NR2F1-AS1: variants seen among roughly 807,000 people sequenced by gnomAD.
NR2F1-AS1 encodes NR2F1 antisense RNA 1.
intron 4 of NR2F1-AS1, among the ~76,000 whole-genome samples, chr5:93,494,142 C>T (rs940442085): frequency 6.6e-6 from 1 of 152,078 alleles, no homozygotes; most frequent in African/African-American, 2.4e-5. Flanking sequence ...AGAACCATTA[C>T]AACTCAACAA....
chr5:93,474,577 G>A (rs143793220), intron 4 of NR2F1-AS1, among the ~76,000 whole-genome samples: 357 of 152,224 alleles, frequency 2.3e-3, no homozygotes, highest in Non-Finnish European at 3.9e-3. Flanking sequence ...GCCTGGTGAG[G>A]GCCTGCTTCC....
intron 4 of NR2F1-AS1, among the ~76,000 whole-genome samples, chr5:93,475,298 C>T (rs946269482): frequency 6.6e-6 from 1 of 151,880 alleles, no homozygotes; most frequent in African/African-American, 2.4e-5. Flanking sequence ...GAACACAGGC[C>T]GTGTCTTTTA....
At chr5:93,552,463 A>C (rs74876734) in intron 4 of NR2F1-AS1, among the ~76,000 whole-genome samples, 2,573 of 152,266 alleles carry the variant, frequency 0.017, 77 homozygotes, top group African/African-American at 0.059. Flanking sequence ...TGGTAAGGGA[A>C]AAGGCTGCCA....
chr5:93,581,733 TCCCCCTCTC>T (rs1561519306), upstream of NR2F1-AS1, among the ~76,000 whole-genome samples: 2 of 33,302 alleles, frequency 6.0e-5, no homozygotes, highest in African/African-American at 4.0e-4. Flanking sequence ...TCTCTCTCTC[TCCCCCTCTC>T]CCTCTCCCTC....
At chr5:93,577,957 G>GA (rs1225715607) in intron 1 of NR2F1-AS1, among the ~76,000 whole-genome samples, 1 of 152,234 alleles carries the variant, frequency 6.6e-6, no homozygotes, top group East Asian at 1.9e-4. Flanking sequence ...CATGGCTCTT[G>GA]AACTAGATTT....
intron 4 of NR2F1-AS1, chr5:93,544,960 C>T (rs1349940801): frequency 1.3e-5 from 2 of 149,744 alleles, no homozygotes; most frequent in Middle Eastern, 3.2e-3. Context: ...GTAGGTACGT[C>T]TAATCTAATA....
intron 4 of NR2F1-AS1, among the ~76,000 whole-genome samples, chr5:93,468,475 T>C (rs1750291297): frequency 6.6e-6 from 1 of 152,240 alleles, no homozygotes; most frequent in African/African-American, 2.4e-5. Flanking sequence ...TTCATATCCT[T>C]TGCCCACTTT....
chr5:93,585,082 C>CCGG, upstream of NR2F1-AS1: 2 of 1,021,714 alleles, frequency 2.0e-6, no homozygotes, highest in Non-Finnish European at 2.3e-6. Context: ...GGGGGCAACC[C>CCGG]CGGCGGCCCC....
chr5:93,430,219 G>A (rs897069057), intron 4 of NR2F1-AS1, among the ~76,000 whole-genome samples: 1 of 152,204 alleles, frequency 6.6e-6, no homozygotes, highest in Non-Finnish European at 1.5e-5. Context: ...GGGGATGTCA[G>A]CCCCTGCTCT....
chr5:93,574,335 T>C (rs1311072854), intron 1 of NR2F1-AS1, among the ~76,000 whole-genome samples: 3 of 152,200 alleles, frequency 2.0e-5, no homozygotes, highest in Admixed American at 2.0e-4. Context: ...TTTCTCCTGC[T>C]AGACAGTAAC....
intron 4 of NR2F1-AS1, among the ~76,000 whole-genome samples, chr5:93,520,835 G>C (rs1207962826): frequency 6.6e-6 from 1 of 152,098 alleles, no homozygotes; most frequent in African/African-American, 2.4e-5. Flanking sequence ...CCCAAAGAAA[G>C]CTGTGATTTT....
intron 4 of NR2F1-AS1, among the ~76,000 whole-genome samples, chr5:93,414,706 T>C (rs1434294970): frequency 6.6e-6 from 1 of 152,188 alleles, no homozygotes; most frequent in African/African-American, 2.4e-5. Flanking sequence ...CCTGCCAGAA[T>C]ACCATGGGCT....
At chr5:93,424,336 A>G (rs993476982) in intron 4 of NR2F1-AS1, among the ~76,000 whole-genome samples, 1 of 151,046 alleles carries the variant, frequency 6.6e-6, no homozygotes, top group African/African-American at 2.4e-5. Context: ...TTTATAATTT[A>G]TATCAAATTA....
chr5:93,574,027 G>C (rs1331348671), intron 1 of NR2F1-AS1, among the ~76,000 whole-genome samples: 1 of 152,226 alleles, frequency 6.6e-6, no homozygotes, highest in Non-Finnish European at 1.5e-5. Flanking sequence ...CCAACCAGCA[G>C]CTAATTGGAA....
chr5:93,442,053 T>C (rs778511485), intron 4 of NR2F1-AS1, among the ~76,000 whole-genome samples: 5 of 152,186 alleles, frequency 3.3e-5, no homozygotes, highest in South Asian at 2.1e-4. Context: ...TGGCCCTTTA[T>C]AGAAAATGCT....
intron 4 of NR2F1-AS1, among the ~76,000 whole-genome samples, chr5:93,435,001 A>G (rs760227586): frequency 6.6e-6 from 1 of 152,194 alleles, no homozygotes; most frequent in Admixed American, 6.5e-5. Context: ...ACTCCACTAT[A>G]AAGTTCTTTG....
chr5:93,422,935 A>C (rs989105141), intron 4 of NR2F1-AS1, among the ~76,000 whole-genome samples: 4 of 152,092 alleles, frequency 2.6e-5, no homozygotes, highest in Admixed American at 2.0e-4. Context: ...AACAGCCCCT[A>C]CCCCAGCGGC....
intron 4 of NR2F1-AS1, among the ~76,000 whole-genome samples, chr5:93,523,623 G>A (rs1751550903): frequency 6.6e-6 from 1 of 152,142 alleles, no homozygotes; most frequent in Non-Finnish European, 1.5e-5. Context: ...GATCTGGCAG[G>A]TGCCCCTCTG....
intron 4 of NR2F1-AS1, among the ~76,000 whole-genome samples, chr5:93,417,531 A>G (rs1748993821): frequency 6.6e-6 from 1 of 152,246 alleles, no homozygotes; most frequent in East Asian, 1.9e-4. Context: ...AAGAAAATTA[A>G]CCTAATCAGA....
Sources: gnomAD v4.1 joint callset for allele counts (sites outside exome capture counted in the v4.1 genomes callset) on GRCh38, gnomAD v4.1.1 for gene constraint, MANE v1.5 for transcripts, NCBI Gene and HGNC (gene_info 2026-07-23, HGNC 2026-07-21) for gene names.